BLTP1: variants seen among roughly 807,000 people sequenced by gnomAD.
BLTP1 encodes bridge-like lipid transfer protein family member 1.
the BLTP1 span, among the ~76,000 whole-genome samples, chr4:122,295,069 A>G: frequency 6.6e-6 from 1 of 152,328 alleles, no homozygotes; most frequent in East Asian, 1.9e-4. Flanking sequence ...AATAGAGAAA[A>G]AAGAAAAGGA....
chr4:122,185,537 T>C, the BLTP1 span: 4 of 617,486 alleles, frequency 6.5e-6, no homozygotes, highest in Non-Finnish European at 8.1e-6. Flanking sequence ...TTTGAGAAGA[T>C]TGAAGTCCAC....
the BLTP1 span, among the ~76,000 whole-genome samples, chr4:122,158,885 A>G: frequency 6.6e-6 from 1 of 152,226 alleles, no homozygotes; most frequent in Non-Finnish European, 1.5e-5. Context: ...GTTGGGTGAT[A>G]TGACTTCTTA....
chr4:122,249,710 A>C, the BLTP1 span: 1 of 1,612,450 alleles, frequency 6.2e-7, no homozygotes, highest in East Asian at 2.2e-5. Flanking sequence ...AATTCTGCTT[A>C]AGGTGGGGAC....
chr4:122,227,418 A>G, the BLTP1 span: 3 of 985,256 alleles, frequency 3.0e-6, no homozygotes, highest in Non-Finnish European at 3.6e-6. Flanking sequence ...TTGTGCAATA[A>G]ATACTCTCCC....
the BLTP1 span, chr4:122,232,248 C>A: frequency 2.2e-6 from 1 of 464,682 alleles, no homozygotes. Context: ...TGATCAGAGA[C>A]TATATTACAG....
the BLTP1 span, chr4:122,247,257 ATC>A: frequency 5.0e-6 from 8 of 1,613,528 alleles, no homozygotes; most frequent in Non-Finnish European, 6.8e-6. Flanking sequence ...AGTCATCTGG[ATC>A]TCTCAGATCA....
chr4:122,226,453 G>A, the BLTP1 span: 2 of 1,234,606 alleles, frequency 1.6e-6, no homozygotes, highest in Non-Finnish European at 2.0e-6. Flanking sequence ...TTGCTGAAGT[G>A]AAATTTTTCA....
the BLTP1 span, chr4:122,170,196 C>T: frequency 1.5e-5 from 5 of 337,356 alleles, no homozygotes; most frequent in African/African-American, 2.3e-5. Context: ...ATCCCAGCTA[C>T]GAGGTAGGCT....
the BLTP1 span, among the ~76,000 whole-genome samples, chr4:122,318,976 A>C: frequency 9.8e-5 from 15 of 152,290 alleles, no homozygotes; most frequent in South Asian, 3.1e-3. Context: ...TGTTTCAAGG[A>C]ATCGGTCTAT....
At chr4:122,277,648 A>T in the BLTP1 span, 1 of 965,252 alleles carries the variant, frequency 1.0e-6, no homozygotes, top group African/African-American at 1.8e-5. Context: ...AGCCTTGCTC[A>T]TTATGAATCA....
At chr4:122,197,223 G>A in the BLTP1 span, 1 of 1,453,316 alleles carries the variant, frequency 6.9e-7, no homozygotes, top group South Asian at 1.4e-5. Context: ...TGTAAATGTA[G>A]GAGCTGGCTC....
chr4:122,350,832 A>G, the BLTP1 span, among the ~76,000 whole-genome samples: 1 of 152,166 alleles, frequency 6.6e-6, no homozygotes, highest in Non-Finnish European at 1.5e-5. Flanking sequence ...AGGATCATTA[A>G]GGTTGCCACT....
chr4:122,277,070 A>G, the BLTP1 span: 2 of 985,196 alleles, frequency 2.0e-6, no homozygotes, highest in East Asian at 1.1e-4. Flanking sequence ...GCCCATTTGA[A>G]GGATCACATT....
the BLTP1 span, chr4:122,173,097 T>C: frequency 6.2e-7 from 1 of 1,611,052 alleles, no homozygotes; most frequent in Admixed American, 1.7e-5. Context: ...GGAATGTTGG[T>C]CTTATTTTAA....
chr4:122,333,730 A>G, the BLTP1 span: 1 of 1,612,308 alleles, frequency 6.2e-7, no homozygotes, highest in South Asian at 1.1e-5. Flanking sequence ...ATGACCGGCA[A>G]GAAAGTGCCA....
the BLTP1 span, chr4:122,209,519 C>A: frequency 3.8e-6 from 1 of 265,440 alleles, no homozygotes; most frequent in Non-Finnish European, 5.8e-6. Flanking sequence ...ATGGCGCATG[C>A]CTGTAGTCCT....
the BLTP1 span, chr4:122,258,643 A>G: frequency 6.4e-7 from 1 of 1,554,974 alleles, no homozygotes; most frequent in Non-Finnish European, 8.7e-7. Flanking sequence ...ATAGGGGCTG[A>G]TGTTTCATGA....
chr4:122,301,002 T>C, the BLTP1 span: 3 of 982,690 alleles, frequency 3.1e-6, no homozygotes, highest in African/African-American at 1.7e-5. Flanking sequence ...TTGAAGAAAT[T>C]AGTCCAGTTT....
the BLTP1 span, chr4:122,304,799 G>A: frequency 6.2e-7 from 1 of 1,613,278 alleles, no homozygotes; most frequent in African/African-American, 1.3e-5. Flanking sequence ...ATCTGCTAGG[G>A]TATTCAAGTA....
Sources: gnomAD v4.1 joint callset for allele counts (sites outside exome capture counted in the v4.1 genomes callset) on GRCh38, gnomAD v4.1.1 for gene constraint, MANE v1.5 for transcripts, NCBI Gene and HGNC (gene_info 2026-07-23, HGNC 2026-07-21) for gene names.